Variants in RGS7 observed in about 807,000 individuals in gnomAD.
RGS7 encodes the protein regulator of G protein signaling 7.
In RGS7, 27 loss-of-function variants were observed where a neutral mutation model predicts 81.1. The observed-to-expected ratio is 0.33, with a 90% CI of 0.25 to 0.46. The LOEUF (loss-of-function observed/expected upper bound fraction) is 0.46, where lower values mean the gene tolerates loss of function less well. Ranked by LOEUF, RGS7 falls within the 20% of genes least tolerant of loss-of-function variation. The probability of loss-of-function intolerance (pLI) is 1.00; values close to 1 mark genes in which losing one functional copy is unlikely to be tolerated. For synonymous variants in RGS7, 208 were observed against 207.7 expected (o/e 1.00, Z -0.01); for missense variants, 396 against 607.4 (o/e 0.65, Z 3.66).
At chr1:240,906,226 T>C (rs1434444190) in intron 6 of RGS7, among the ~76,000 whole-genome samples, 2 of 152,228 alleles carry the variant, frequency 1.3e-5, no homozygotes, top group Admixed American at 1.3e-4. Flanking sequence ...TGACTCCTCC[T>C]GTGTCTGCGT....
chr1:241,354,725 T>C (rs1479810279), intron 2 of RGS7, among the ~76,000 whole-genome samples: 1 of 152,224 alleles, frequency 6.6e-6, no homozygotes, highest in Non-Finnish European at 1.5e-5. Flanking sequence ...TTCAATGGGC[T>C]TTTCTCTAAT....
chr1:241,237,698 C>T (rs1448462464), intron 2 of RGS7, among the ~76,000 whole-genome samples: 1 of 152,090 alleles, frequency 6.6e-6, no homozygotes, highest in Non-Finnish European at 1.5e-5. Flanking sequence ...GGGGCGTGGC[C>T]AGGGAAGCAG....
chr1:241,303,089 G>A (rs905336046), intron 2 of RGS7, among the ~76,000 whole-genome samples: 1 of 152,126 alleles, frequency 6.6e-6, no homozygotes, highest in East Asian at 1.9e-4. Flanking sequence ...TTTATTTCTA[G>A]TAATAAAATT....
At chr1:240,877,628 T>C (rs1158325014) in intron 6 of RGS7, among the ~76,000 whole-genome samples, 3 of 152,308 alleles carry the variant, frequency 2.0e-5, no homozygotes, top group East Asian at 1.9e-4. Flanking sequence ...TGAGATGTAA[T>C]GTAATTTATT....
chr1:241,056,810 T>C (rs2061498165), intron 3 of RGS7, among the ~76,000 whole-genome samples: 1 of 152,346 alleles, frequency 6.6e-6, no homozygotes, highest in Non-Finnish European at 1.5e-5. Flanking sequence ...AGTCATTTAA[T>C]AGGCAGTGGT....
intron 3 of RGS7, among the ~76,000 whole-genome samples, chr1:241,064,885 C>T (rs893310133): frequency 4.6e-5 from 7 of 152,102 alleles, no homozygotes; most frequent in Admixed American, 3.3e-4. Context: ...AACACCTCCA[C>T]ATTCATGTCT....
intron 3 of RGS7, among the ~76,000 whole-genome samples, chr1:240,990,444 T>C (rs912648782): frequency 2.6e-5 from 4 of 152,218 alleles, no homozygotes; most frequent in African/African-American, 9.6e-5. Context: ...AGGAATACAT[T>C]GTTTTTGTGT....
intron 2 of RGS7, among the ~76,000 whole-genome samples, chr1:241,327,021 AG>A (rs1197748180): frequency 3.3e-4 from 4 of 12,048 alleles, no homozygotes; most frequent in African/African-American, 1.2e-3. Context: ...GAAGGAAGGA[AG>A]GAAGGAAGGA....
At chr1:241,287,634 T>G (rs1258072162) in intron 2 of RGS7, among the ~76,000 whole-genome samples, 1 of 152,180 alleles carries the variant, frequency 6.6e-6, no homozygotes, top group East Asian at 1.9e-4. Context: ...TTTATTTTTT[T>G]GTAACCCACA....
chr1:240,787,481 A>G (rs972331937), intron 18 of RGS7, among the ~76,000 whole-genome samples: 1 of 152,184 alleles, frequency 6.6e-6, no homozygotes, highest in Admixed American at 6.5e-5. Flanking sequence ...AAAAAGAGAA[A>G]GATGTGCTTC....
intron 3 of RGS7, among the ~76,000 whole-genome samples, chr1:241,026,669 G>A (rs2059803913): frequency 6.6e-6 from 1 of 152,078 alleles, no homozygotes; most frequent in African/African-American, 2.4e-5. Context: ...AGCCAGGCAG[G>A]AAGGGCCATG....
chr1:241,267,817 C>T (rs990603550), intron 2 of RGS7, among the ~76,000 whole-genome samples: 3 of 152,126 alleles, frequency 2.0e-5, no homozygotes, highest in South Asian at 2.1e-4. Context: ...TGGAATCTTC[C>T]GTTATCTCTC....
Position 240,986,641 on chromosome 1 carries a change from G to A in RGS7, c.176-3512C>T. On this transcript the variant is annotated intron_variant, in intron 3 of 18. Coordinates refer to ENST00000440928, the MANE Select transcript of RGS7 (RefSeq NM_001364886.1). Reference sequence around the variant, plus strand: ...CTGTCGCCCAGGCTGGAGTGCAGTGGCGCAATCTCGGCTCACTGCAGGCTC... The same window carrying A: ...CTGTCGCCCAGGCTGGAGTGCAGTGACGCAATCTCGGCTCACTGCAGGCTC... Among the ~76,000 whole-genome samples the A allele has an allele frequency of 1.5e-3, 2 of 1,326 alleles. 1 individual carries two copies. The highest frequency in any genetic ancestry group is 2.5e-3 in the Non-Finnish European group (2 of 804). 0.9% of individuals were successfully genotyped at this position (1,326 alleles called of 152,430 possible). A position where few individuals can be genotyped will look rare whatever the true frequency, so the allele number is the denominator to read the frequency against.
intron 2 of RGS7, among the ~76,000 whole-genome samples, chr1:241,318,464 T>C (rs1005513190): frequency 2.0e-5 from 3 of 151,982 alleles, no homozygotes; most frequent in Admixed American, 2.0e-4. Context: ...TTTTTTCTTT[T>C]TTTTTTTCCC....
chr1:241,049,878 T>G (rs189135801), intron 3 of RGS7, among the ~76,000 whole-genome samples: 69 of 152,280 alleles, frequency 4.5e-4, no homozygotes, highest in African/African-American at 1.6e-3. Flanking sequence ...CACACTGTAC[T>G]AACCCAAAAA....
At chr1:240,776,301 G>T in intron 18 of RGS7, 88 bp from the exon 19 acceptor site, 1 of 994,696 alleles carries the variant, frequency 1.0e-6, no homozygotes, top group Non-Finnish European at 1.6e-6. Flanking sequence ...ATTTACTGTA[G>T]CTGATTTTTG....
intron 14 of RGS7, among the ~76,000 whole-genome samples, chr1:240,810,701 C>T (rs1345586867): frequency 1.3e-5 from 2 of 152,168 alleles, no homozygotes; most frequent in Non-Finnish European, 2.9e-5. Context: ...CCACCTGCCT[C>T]GGCTCCCAAA....
intron 2 of RGS7, among the ~76,000 whole-genome samples, chr1:241,292,878 T>A (rs1430251789): frequency 6.6e-6 from 1 of 152,228 alleles, no homozygotes; most frequent in Non-Finnish European, 1.5e-5. Context: ...TAAAATTATT[T>A]ACGACACAAA....
intron 2 of RGS7, among the ~76,000 whole-genome samples, chr1:241,292,187 G>T (rs991243116): frequency 3.3e-5 from 5 of 152,158 alleles, no homozygotes; most frequent in Admixed American, 3.3e-4. Flanking sequence ...CCTTCCTGAC[G>T]CTGTTTTATA....
Sources: gnomAD v4.1 joint callset for allele counts (sites outside exome capture counted in the v4.1 genomes callset) on GRCh38, gnomAD v4.1.1 for gene constraint, MANE v1.5 for transcripts, NCBI Gene and HGNC (gene_info 2026-07-23, HGNC 2026-07-21) for gene names.